AGMO: variants seen among roughly 807,000 people sequenced by gnomAD.
AGMO encodes the protein glyceryl-ether monooxygenase.
A neutral mutation model predicts 60.2 loss-of-function variants in AGMO; 75 were observed. The observed-to-expected ratio is 1.25, with a 90% CI of 1.03 to 1.51. The LOEUF (loss-of-function observed/expected upper bound fraction) is 1.51, where lower values mean the gene tolerates loss of function less well. Ranked by LOEUF, AGMO falls within the 40% of genes most tolerant of loss-of-function variation. The pLI is 0.00. For synonymous variants in AGMO, 261 were observed against 177.1 expected, an observed-to-expected ratio of 1.47 and a Z score of -3.76; for missense variants, 763 against 525.5, an observed-to-expected ratio of 1.45 and a Z score of -4.42.
At chr7:15,513,298 C>CGTTCCTG (rs145769190) in intron 3 of AGMO, among the ~76,000 whole-genome samples, 1 of 151,714 alleles carries the variant, frequency 6.6e-6, no homozygotes, top group Non-Finnish European at 1.5e-5. Flanking sequence ...AACTTTAAAC[C>CGTTCCTG]ACAAAATGTT....
intron 10 of AGMO, 76 bp from the exon 11 acceptor site, chr7:15,366,298 A>T: frequency 9.4e-7 from 1 of 1,066,150 alleles, no homozygotes; most frequent in Non-Finnish European, 1.4e-6. Context: ...AAAGCTTACA[A>T]AACAGCCCAA....
intron 3 of AGMO, among the ~76,000 whole-genome samples, chr7:15,447,387 C>A (rs982622329): frequency 9.2e-5 from 14 of 152,106 alleles, no homozygotes; most frequent in Non-Finnish European, 1.8e-4. Flanking sequence ...TGAACACTTG[C>A]AACATTAAGT....
rs543236768 is a variant in AGMO at position 15,398,360 on chromosome 7, G to C, written c.610-4181C>G. The stretch of plus-strand genomic sequence containing the variant: ...ACGGTGATAACAATATTGAAAGTTC[G>C]TTTTTTAAAAAATAGTTAAAAGCCA... On this transcript the variant is annotated intron_variant, in intron 5 of 12. Coordinates refer to ENST00000342526, the MANE Select transcript of AGMO (RefSeq NM_001004320.2). Among the ~76,000 whole-genome samples, 9 of 152,164 alleles carry C rather than the reference G, an allele frequency of 5.9e-5. No homozygotes were observed. The South Asian group carries it at 1.9e-3, about 32-fold the overall frequency.
chr7:15,206,661 A>G (rs571641091), intron 12 of AGMO, among the ~76,000 whole-genome samples: 63 of 152,306 alleles, frequency 4.1e-4, no homozygotes, highest in African/African-American at 1.4e-3. Flanking sequence ...AAGAATATCA[A>G]TAGTATCAGA....
At chr7:15,413,341 GGTAGTGTCA>G (rs1780668496) in intron 5 of AGMO, among the ~76,000 whole-genome samples, 1 of 152,130 alleles carries the variant, frequency 6.6e-6, no homozygotes, top group Non-Finnish European at 1.5e-5. Flanking sequence ...TGATCTCTAA[GGTAGTGTCA>G]TACAGAATAC....
chr7:15,243,102 T>A (rs1162792593), intron 12 of AGMO, among the ~76,000 whole-genome samples: 1 of 151,994 alleles, frequency 6.6e-6, no homozygotes, highest in East Asian at 1.9e-4. Context: ...ATTTAGATAC[T>A]GAAAATATCT....
intron 9 of AGMO, among the ~76,000 whole-genome samples, chr7:15,387,188 C>T (rs973901307): frequency 1.3e-5 from 2 of 152,164 alleles, no homozygotes; most frequent in Admixed American, 1.3e-4. Context: ...AATCTGTGCT[C>T]CTAGGTAAAA....
At chr7:15,218,022 T>A (rs959314176) in intron 12 of AGMO, among the ~76,000 whole-genome samples, 2 of 152,050 alleles carry the variant, frequency 1.3e-5, no homozygotes, top group African/African-American at 2.4e-5. Flanking sequence ...CATATCAAAA[T>A]TGAGGGATAC....
At chr7:15,306,148 T>C (rs542641352) in intron 12 of AGMO, 1 of 156,806 alleles carries the variant, frequency 6.4e-6, no homozygotes, top group African/African-American at 2.4e-5. Context: ...TTACTCACTT[T>C]ACATTTCCTT....
At chr7:15,456,937 T>C (rs1782013668) in intron 3 of AGMO, among the ~76,000 whole-genome samples, 1 of 152,158 alleles carries the variant, frequency 6.6e-6, no homozygotes, top group Admixed American at 6.6e-5. Flanking sequence ...ATCTTATTAC[T>C]ACAATTTTCA....
chr7:15,170,760 C>T, the AGMO span, among the ~76,000 whole-genome samples: 60,615 of 151,854 alleles, frequency 0.4, 12,932 homozygotes, highest in East Asian at 0.71. Context: ...AGGTCCTTTT[C>T]CTGTTCCAGG....
At chr7:15,259,786 GA>G (rs1190891601) in intron 12 of AGMO, among the ~76,000 whole-genome samples, 3 of 147,934 alleles carry the variant, frequency 2.0e-5, no homozygotes, top group Non-Finnish European at 4.5e-5. Flanking sequence ...TATGAGCCAA[GA>G]ATTTTGTATC....
At chr7:15,494,205 G>A (rs12699726) in intron 3 of AGMO, among the ~76,000 whole-genome samples, 89,346 of 151,818 alleles carry the variant, frequency 0.59, 27,570 homozygotes, top group East Asian at 0.96. Context: ...GGGGCTTTCC[G>A]CAGGCACTCC....
intron 3 of AGMO, among the ~76,000 whole-genome samples, chr7:15,468,435 T>C (rs1014107553): frequency 6.6e-6 from 1 of 152,132 alleles, no homozygotes. Flanking sequence ...AGAAAATGCA[T>C]AGTCATATCA....
the AGMO span, among the ~76,000 whole-genome samples, chr7:15,160,294 C>T: frequency 5.3e-5 from 8 of 152,142 alleles, no homozygotes; most frequent in Non-Finnish European, 2.9e-5. Context: ...TTCTCATTGG[C>T]AGAGATTTCA....
intron 3 of AGMO, among the ~76,000 whole-genome samples, chr7:15,470,086 A>G (rs1562523368): frequency 1.3e-5 from 2 of 152,112 alleles, no homozygotes; most frequent in Non-Finnish European, 2.9e-5. Flanking sequence ...AATGACTGAG[A>G]GAGGGTAGTC....
intron 12 of AGMO, among the ~76,000 whole-genome samples, chr7:15,288,205 A>G (rs1784156285): frequency 6.6e-6 from 1 of 151,798 alleles, no homozygotes; most frequent in African/African-American, 2.4e-5. Flanking sequence ...TTTTATTATT[A>G]TTATTTTTAG....
chr7:15,262,839 C>A (rs1432326091), intron 12 of AGMO, among the ~76,000 whole-genome samples: 6 of 151,908 alleles, frequency 3.9e-5, no homozygotes, highest in Non-Finnish European at 8.8e-5. Flanking sequence ...AAAAGGTTAC[C>A]CTACTCAACA....
At chr7:15,317,022 G>A (rs1310759531) in intron 12 of AGMO, among the ~76,000 whole-genome samples, 1 of 152,052 alleles carries the variant, frequency 6.6e-6, no homozygotes, top group South Asian at 2.1e-4. Context: ...ATCCACATGT[G>A]GCATTGTTAT....
Sources: gnomAD v4.1 joint callset for allele counts (sites outside exome capture counted in the v4.1 genomes callset) on GRCh38, gnomAD v4.1.1 for gene constraint, MANE v1.5 for transcripts, NCBI Gene and HGNC (gene_info 2026-07-23, HGNC 2026-07-21) for gene names.